Variants in POFUT3 observed in about 807,000 individuals in gnomAD.
POFUT3 encodes the protein GDP-fucose protein O-fucosyltransferase 3.
chr8:33,312,255 C>A, the POFUT3 span, among the ~76,000 whole-genome samples: 1 of 124,778 alleles, frequency 8.0e-6, no homozygotes, highest in Non-Finnish European at 1.6e-5. Flanking sequence ...GAGCAAGACT[C>A]CGTCTCAAAA....
chr8:33,323,302 G>C, the POFUT3 span, among the ~76,000 whole-genome samples: 1 of 152,142 alleles, frequency 6.6e-6, no homozygotes, highest in Non-Finnish European at 1.5e-5. Flanking sequence ...TGTTGGAAAC[G>C]TGCCTTATTT....
At chr8:33,392,073 T>A in the POFUT3 span, among the ~76,000 whole-genome samples, 1 of 152,132 alleles carries the variant, frequency 6.6e-6, no homozygotes, top group Non-Finnish European at 1.5e-5. Context: ...AGATGCTTAT[T>A]AATAGAGAGG....
chr8:33,446,148 T>C, the POFUT3 span, among the ~76,000 whole-genome samples: 1 of 151,884 alleles, frequency 6.6e-6, no homozygotes, highest in Non-Finnish European at 1.5e-5. Flanking sequence ...GGGTCTGAGC[T>C]GGGGAATGCA....
chr8:33,328,797 T>A, the POFUT3 span, among the ~76,000 whole-genome samples: 1 of 151,928 alleles, frequency 6.6e-6, no homozygotes, highest in Non-Finnish European at 1.5e-5. Flanking sequence ...AACACCCAAA[T>A]CTGTAAAGGC....
chr8:33,381,640 AAG>A, the POFUT3 span, among the ~76,000 whole-genome samples: 2 of 152,200 alleles, frequency 1.3e-5, no homozygotes, highest in East Asian at 1.9e-4. Context: ...CGTTAAAATG[AAG>A]AGAGTGCACT....
chr8:33,363,369 C>T, the POFUT3 span, among the ~76,000 whole-genome samples: 3 of 152,022 alleles, frequency 2.0e-5, no homozygotes, highest in Non-Finnish European at 4.4e-5. Flanking sequence ...ACTAGAGAAG[C>T]AAGAGCAAAC....
chr8:33,464,488 T>C, the POFUT3 span, among the ~76,000 whole-genome samples: 1 of 152,166 alleles, frequency 6.6e-6, no homozygotes, highest in Non-Finnish European at 1.5e-5. Flanking sequence ...AGTGCACACA[T>C]TCCTTTATAT....
At chr8:33,463,847 C>T in the POFUT3 span, among the ~76,000 whole-genome samples, 5 of 152,144 alleles carry the variant, frequency 3.3e-5, no homozygotes, top group Non-Finnish European at 7.3e-5. Flanking sequence ...CCACCGTGCA[C>T]GGCCTTACTT....
the POFUT3 span, chr8:33,436,227 G>C: frequency 7.5e-7 from 1 of 1,330,538 alleles, no homozygotes; most frequent in Non-Finnish European, 1.1e-6. Context: ...TGGGTACCAC[G>C]AAGGGTGTAT....
chr8:33,309,163 AAAAAATATATATATATATATAT>A, the POFUT3 span, among the ~76,000 whole-genome samples: 11 of 69,696 alleles, frequency 1.6e-4, no homozygotes, highest in African/African-American at 1.1e-3. Context: ...AAAAAAAAAA[AAAAAATATATATATATATATAT>A]ATATATATAT....
At chr8:33,431,116 C>G in the POFUT3 span, among the ~76,000 whole-genome samples, 1 of 152,212 alleles carries the variant, frequency 6.6e-6, no homozygotes, top group Middle Eastern at 3.4e-3. Flanking sequence ...TGGATCCATG[C>G]TTTTGCTCAG....
the POFUT3 span, among the ~76,000 whole-genome samples, chr8:33,334,725 A>C: frequency 2.0e-5 from 3 of 152,220 alleles, no homozygotes; most frequent in Non-Finnish European, 4.4e-5. Context: ...ACTACAAAAT[A>C]AGCAAACAGA....
At chr8:33,331,909 C>T in the POFUT3 span, among the ~76,000 whole-genome samples, 1 of 69,300 alleles carries the variant, frequency 1.4e-5, no homozygotes, top group Non-Finnish European at 2.7e-5. Flanking sequence ...GATCTCCTGA[C>T]CTCGTGATCC....
the POFUT3 span, among the ~76,000 whole-genome samples, chr8:33,361,984 A>G: frequency 6.6e-6 from 1 of 152,208 alleles, no homozygotes. Flanking sequence ...ACCAAACTTG[A>G]AATGAAGGAA....
the POFUT3 span, among the ~76,000 whole-genome samples, chr8:33,340,059 TGAG>T: frequency 1.3e-5 from 2 of 152,130 alleles, no homozygotes; most frequent in Non-Finnish European, 2.9e-5. Context: ...AAATGTATGT[TGAG>T]GAAATATTTT....
the POFUT3 span, among the ~76,000 whole-genome samples, chr8:33,402,053 T>C: frequency 6.6e-6 from 1 of 151,130 alleles, no homozygotes; most frequent in East Asian, 1.9e-4. Flanking sequence ...GAAAAGTGGG[T>C]TAAGAAGCAG....
At chr8:33,360,241 G>A in the POFUT3 span, among the ~76,000 whole-genome samples, 2 of 151,890 alleles carry the variant, frequency 1.3e-5, no homozygotes, top group African/African-American at 2.4e-5. Flanking sequence ...TCAGGAGATC[G>A]AGACCATTCT....
the POFUT3 span, among the ~76,000 whole-genome samples, chr8:33,430,866 C>T: frequency 6.6e-6 from 1 of 152,146 alleles, no homozygotes; most frequent in South Asian, 2.1e-4. Flanking sequence ...CCTCGGCCTC[C>T]CAAAGTGCTG....
the POFUT3 span, among the ~76,000 whole-genome samples, chr8:33,374,605 T>C: frequency 1.3e-5 from 2 of 152,136 alleles, no homozygotes; most frequent in Admixed American, 6.5e-5. Context: ...CAAGCAGTAA[T>C]GTGCCAATAT....
Sources: gnomAD v4.1 joint callset for allele counts (sites outside exome capture counted in the v4.1 genomes callset) on GRCh38, gnomAD v4.1.1 for gene constraint, MANE v1.5 for transcripts, NCBI Gene and HGNC (gene_info 2026-07-23, HGNC 2026-07-21) for gene names.